UNC5A: variants seen among roughly 807,000 people sequenced by gnomAD.
UNC5A encodes the protein unc-5 netrin receptor A, also known as netrin receptor UNC5A.
In UNC5A, 20 loss-of-function variants were observed where a neutral mutation model predicts 87.4. The ratio of observed to expected loss-of-function variants is 0.23; its 90% CI spans 0.16 to 0.33. The LOEUF is 0.33. Among genes scored for constraint, UNC5A ranks in the 10% least tolerant of loss-of-function variants. The probability of loss-of-function intolerance (pLI) is 1.00; values close to 1 mark genes in which losing one functional copy is unlikely to be tolerated. For missense variants in UNC5A, 844 were observed against 1,133.4 expected (o/e 0.74, Z 3.67); for synonymous variants, 438 against 482.3 (o/e 0.91, Z 1.20).
chr5:176,850,572 A>T (rs1368519406), intron 1 of UNC5A, among the ~76,000 whole-genome samples: 1 of 152,066 alleles, frequency 6.6e-6, no homozygotes, highest in Non-Finnish European at 1.5e-5. Flanking sequence ...GAGCCTGGCT[A>T]GGGACCCCGG....
rs1757950245 is a variant in UNC5A, at chr5:176,865,413, G to T, written c.292+2568G>T. The T allele has an allele frequency of 2.8e-6, 1 of 355,358 alleles. No individual in the cohort carries two copies. The highest frequency in any genetic ancestry group is 3.8e-5 in the Admixed American group (1 of 26,662). The allele number at this position is 355,358 out of a possible 1,614,324, so 22.0% of individuals were successfully genotyped here. On this transcript the variant is annotated intron_variant, in intron 2 of 14. Coordinates refer to ENST00000329542, the MANE Select transcript of UNC5A (RefSeq NM_133369.3). The surrounding 1 kb of genome is among the most constrained non-coding windows in gnomAD (Gnocchi z 5.3). The stretch of plus-strand genomic sequence containing the variant: ...GCCCGGGCCGGCACACACACCGGGA[G>T]CCCCTGGCCCACACTCCCCAGCCGG...
intron 1 of UNC5A, among the ~76,000 whole-genome samples, chr5:176,845,427 A>T (rs1757380633): frequency 6.6e-6 from 1 of 151,984 alleles, no homozygotes; most frequent in Admixed American, 6.5e-5. Flanking sequence ...GACCTTCCCT[A>T]CCCACCTCCT....
chr5:176,819,499 C>G (rs1756676485), intron 1 of UNC5A, among the ~76,000 whole-genome samples: 1 of 152,184 alleles, frequency 6.6e-6, no homozygotes, highest in South Asian at 2.1e-4. Flanking sequence ...CATCTCTGCT[C>G]TTGGGGATTC....
rs771729836 is a variant in UNC5A, at chr5:176,874,338, C to T, written c.1150C>T (p.Arg384Trp). ...TTTYQGSLCP[R>W]QDGPSPKFQL... is the part of the protein sequence containing the mutation. ...CACCTACCAGGGCAGTCTCTGTCCC[C>T]GGCAGGATGGGCCCAGCCCCAAGTT... The change falls in exon 8 of 15, where the codon CGG (arginine) becomes TGG (tryptophan). Residue 384 changes from arginine (R) to tryptophan (W), a missense_variant. Transcript: ENST00000329542. This position sits in a 1 kb window ranked among gnomAD's most constrained non-coding sequence, Gnocchi z 7.6. The T allele has an allele frequency of 2.8e-5, 45 of 1,613,232 alleles. No individual in the cohort carries two copies. Among genetic ancestry groups the T allele is most frequent in the Non-Finnish European group, 3.5e-5 (41 of 1,179,698 alleles).
At chr5:176,872,513 TCGCCC>T (rs1758145930) in intron 6 of UNC5A, among the ~76,000 whole-genome samples, 2 of 22,268 alleles carry the variant, frequency 9.0e-5, no homozygotes, top group Non-Finnish European at 7.1e-5. Flanking sequence ...CTGCCCACAC[TCGCCC>T]CAACACCACA....
intron 1 of UNC5A, among the ~76,000 whole-genome samples, chr5:176,853,100 G>A (rs893242769): frequency 9.2e-5 from 14 of 152,242 alleles, no homozygotes; most frequent in African/African-American, 3.4e-4. Flanking sequence ...TGGGAAGATC[G>A]GAGGCAGCGT....
At chr5:176,872,954 A>C (rs1581277388) in intron 6 of UNC5A, among the ~76,000 whole-genome samples, 1 of 83,260 alleles carries the variant, frequency 1.2e-5, no homozygotes, top group Non-Finnish European at 2.3e-5. Context: ...ATCTGCCCAC[A>C]CTCACCCAAC....
intron 1 of UNC5A, among the ~76,000 whole-genome samples, chr5:176,830,194 C>T (rs1014279288): frequency 5.9e-5 from 9 of 152,204 alleles, no homozygotes; most frequent in South Asian, 2.1e-4. Flanking sequence ...AGACCACCTC[C>T]GCCAGGTCTC....
chr5:176,862,912 C>T, intron 2 of UNC5A, 67 bp downstream of exon 2: 1 of 1,564,566 alleles, frequency 6.4e-7, no homozygotes, highest in South Asian at 1.1e-5. Flanking sequence ...CCCAGAGGAG[C>T]CTGCAGCTGC....
chr5:176,847,772 A>G (rs961392020), intron 1 of UNC5A, among the ~76,000 whole-genome samples: 5 of 152,136 alleles, frequency 3.3e-5, no homozygotes, highest in Non-Finnish European at 7.4e-5. Context: ...TTAAGAGCCA[A>G]TGACCCCTTC....
At chr5:176,876,392 A>G (rs1177391830) in intron 8 of UNC5A, among the ~76,000 whole-genome samples, 2 of 152,058 alleles carry the variant, frequency 1.3e-5, no homozygotes, top group African/African-American at 4.8e-5. Flanking sequence ...AAAGTCATGG[A>G]ATTCCTCTCC....
rs571163463 is a variant in UNC5A at position 176,865,755 on chromosome 5, C to CAGG, written c.293-2373_293-2372insGAG. On this transcript the variant is annotated intron_variant, in intron 2 of 14. Coordinates refer to ENST00000329542, the MANE Select transcript of UNC5A (RefSeq NM_133369.3). The surrounding 1 kb of genome is among the most constrained non-coding windows in gnomAD (Gnocchi z 5.3). ...GGGCTCGGAGGCCCACCCAGCTCTGCAGCCCACTCATTCATGTGTGGGGCT... is the reference window on the plus strand; with the variant it reads ...GGGCTCGGAGGCCCACCCAGCTCTGCAGGAGCCCACTCATTCATGTGTGGGGCT... 1.8e-5 allele frequency: 8 copies of CAGG among 445,766 alleles called. No individual in the cohort carries two copies. The highest frequency in any genetic ancestry group is 3.6e-5 in the Non-Finnish European group (8 of 220,676). The allele number at this position is 445,766 out of a possible 1,614,324, so 27.6% of individuals were successfully genotyped here. A position where few individuals can be genotyped will look rare whatever the true frequency, so the allele number is the denominator to read the frequency against.
At chr5:176,853,059 C>T (rs1757583665) in intron 1 of UNC5A, among the ~76,000 whole-genome samples, 1 of 152,226 alleles carries the variant, frequency 6.6e-6, no homozygotes, top group African/African-American at 2.4e-5. Flanking sequence ...TCCGCGGGAG[C>T]AGAGATGGGA....
intron 1 of UNC5A, among the ~76,000 whole-genome samples, chr5:176,818,566 A>G (rs965301733): frequency 7.9e-5 from 12 of 152,218 alleles, no homozygotes; most frequent in Admixed American, 7.8e-4. Context: ...CCCATGCGTC[A>G]GATGAGGACA....
Position 176,865,674 on chromosome 5 carries a change from C to T in UNC5A, c.293-2456C>T, listed in dbSNP as rs750358937. 4.2e-5 allele frequency: 19 copies of T among 456,566 alleles called. No homozygotes were observed. Among genetic ancestry groups the T allele is most frequent in the Admixed American group, 9.4e-5 (4 of 42,570 alleles). The allele number at this position is 456,566 out of a possible 1,614,324, so 28.3% of individuals were successfully genotyped here. A position where few individuals can be genotyped will look rare whatever the true frequency, so the allele number is the denominator to read the frequency against. On this transcript the variant is annotated intron_variant, in intron 2 of 14. Coordinates refer to ENST00000329542, the MANE Select transcript of UNC5A (RefSeq NM_133369.3). The surrounding 1 kb of genome is among the most constrained non-coding windows in gnomAD (Gnocchi z 5.3). ...AGATACCACGGCAGTGGCGCCACGC[C>T]GCCAAAGACCAAAGACCCCAAACCA...
intron 1 of UNC5A, among the ~76,000 whole-genome samples, chr5:176,813,540 C>T (rs547498537): frequency 2.6e-5 from 4 of 152,326 alleles, no homozygotes; most frequent in Non-Finnish European, 4.4e-5. Context: ...GCCCCTAGGT[C>T]CTCCCAGGGG....
At chr5:176,862,563 C>T (rs866659991) in intron 1 of UNC5A, 61 bp from the exon 2 acceptor site, 25 of 1,504,428 alleles carry the variant, frequency 1.7e-5, no homozygotes, top group Non-Finnish European at 2.1e-5. Context: ...TTTGCTGAGC[C>T]GCTGCCTCTA....
chr5:176,862,759 C>T lies in UNC5A; in HGVS notation c.206C>T (p.Pro69Leu), dbSNP rs1372227488. 1 of 1,613,492 alleles carries T rather than the reference C, an allele frequency of 6.2e-7. No homozygotes were observed. The highest frequency in any genetic ancestry group is 8.5e-7 in the Non-Finnish European group (1 of 1,179,962). The stretch of plus-strand genomic sequence containing the variant: ...GTGCTGCTTGTGTGCAAGGCCGTGC[C>T]CGCCACGCAGATCTTCTTCAAGTGC... ...KPVLLVCKAV[P>L]ATQIFFKCNG... Residue 69 changes from proline (P) to leucine (L), a missense_variant, in exon 2 of 15, where the codon CCC (proline) becomes CTC (leucine). Physicochemically the swap from Pro to Leu is moderately conservative, Grantham distance 98. Coordinates refer to ENST00000329542, the MANE Select transcript of UNC5A (RefSeq NM_133369.3).
At chr5:176,822,759 G>T (rs1003561310) in intron 1 of UNC5A, among the ~76,000 whole-genome samples, 1 of 152,208 alleles carries the variant, frequency 6.6e-6, no homozygotes, top group Non-Finnish European at 1.5e-5. Flanking sequence ...AGGGACTCAG[G>T]CTGGGACCTT....
Sources: gnomAD v4.1 joint callset for allele counts (sites outside exome capture counted in the v4.1 genomes callset) on GRCh38, gnomAD v4.1.1 for gene constraint, Gnocchi (gnomAD v3.1) non-coding constraint, MANE v1.5 for transcripts, NCBI Gene and HGNC (gene_info 2026-07-23, HGNC 2026-07-21) for gene names.